The following CDH8 variants were observed in gnomAD, a reference collection of about 807,000 sequenced individuals.
CDH8 encodes the protein cadherin-8.
A neutral mutation model predicts 68.1 loss-of-function variants in CDH8; 17 were observed. The observed-to-expected ratio is 0.25, with a 90% CI of 0.17 to 0.37. The LOEUF (loss-of-function observed/expected upper bound fraction) is 0.37, where lower values mean the gene tolerates loss of function less well. Ranked by LOEUF, CDH8 falls within the 10% of genes least tolerant of loss-of-function variation. CDH8 has a pLI of 1.00. For synonymous variants in CDH8, 372 were observed against 365.1 expected (o/e 1.02, Z -0.21); for missense variants, 763 against 999.3 (o/e 0.76, Z 3.19).
intron 2 of CDH8, among the ~76,000 whole-genome samples, chr16:62,004,657 C>A (rs1965944554): frequency 6.6e-6 from 1 of 152,138 alleles, no homozygotes; most frequent in Admixed American, 6.5e-5. Flanking sequence ...ATTTGTATAC[C>A]TCCTGGTGTT....
At chr16:61,958,280 A>G (rs2031382980) in intron 2 of CDH8, among the ~76,000 whole-genome samples, 1 of 152,212 alleles carries the variant, frequency 6.6e-6, no homozygotes, top group Admixed American at 6.5e-5. Context: ...TCTCCAGTCA[A>G]AAGAAAAGCA....
intron 8 of CDH8, among the ~76,000 whole-genome samples, chr16:61,773,187 T>G (rs1295580582): frequency 5.3e-5 from 8 of 152,072 alleles, no homozygotes; most frequent in Admixed American, 5.2e-4. Flanking sequence ...ATGCATCTCT[T>G]ACTGCTACTT....
At chr16:61,777,717 T>C (rs1347616537) in intron 8 of CDH8, among the ~76,000 whole-genome samples, 1 of 152,078 alleles carries the variant, frequency 6.6e-6, no homozygotes, top group Non-Finnish European at 1.5e-5. Flanking sequence ...GCTACCTACG[T>C]TGCAGGGGTA....
intron 2 of CDH8, among the ~76,000 whole-genome samples, chr16:62,008,172 A>G (rs1901717489): frequency 6.6e-6 from 1 of 151,938 alleles, no homozygotes; most frequent in Non-Finnish European, 1.5e-5. Flanking sequence ...CCTGGGCTCA[A>G]GTGATTCTCC....
At chr16:62,004,494 GC>G (rs1965941432) in intron 2 of CDH8, among the ~76,000 whole-genome samples, 1 of 152,114 alleles carries the variant, frequency 6.6e-6, no homozygotes, top group African/African-American at 2.4e-5. Context: ...TTCATTTCAG[GC>G]AATAAAGATG....
intron 2 of CDH8, among the ~76,000 whole-genome samples, chr16:62,009,811 C>T (rs1346601688): frequency 2.0e-5 from 3 of 152,164 alleles, no homozygotes; most frequent in Non-Finnish European, 4.4e-5. Flanking sequence ...AAAATAATAA[C>T]ATGTAAATAT....
chr16:61,683,078 AT>A (rs906405308), intron 10 of CDH8, among the ~76,000 whole-genome samples: 23 of 152,108 alleles, frequency 1.5e-4, no homozygotes, highest in Middle Eastern at 6.8e-3. Context: ...AAATAAGGGT[AT>A]GTGAAGTTCA....
chr16:61,929,470 C>T (rs1395699408), intron 2 of CDH8, among the ~76,000 whole-genome samples: 7 of 152,096 alleles, frequency 4.6e-5, no homozygotes, highest in South Asian at 4.1e-4. Context: ...TACATGGATT[C>T]GAGATTCTTA....
At chr16:61,666,269 T>G (rs1963677372) in intron 10 of CDH8, among the ~76,000 whole-genome samples, 1 of 151,876 alleles carries the variant, frequency 6.6e-6, no homozygotes, top group Non-Finnish European at 1.5e-5. Flanking sequence ...AGTCTGGGTT[T>G]GGAACATATC....
At chr16:61,681,809 C>A (rs893790058) in intron 10 of CDH8, among the ~76,000 whole-genome samples, 2 of 151,848 alleles carry the variant, frequency 1.3e-5, no homozygotes, top group African/African-American at 4.8e-5. Flanking sequence ...AAGCTAAAAT[C>A]GTGATCCTAA....
At chr16:61,939,320 C>T (rs1282733736) in intron 2 of CDH8, among the ~76,000 whole-genome samples, 3 of 152,134 alleles carry the variant, frequency 2.0e-5, no homozygotes, top group South Asian at 2.1e-4. Flanking sequence ...TTACCTAATC[C>T]GGAAAAATAA....
intron 8 of CDH8, among the ~76,000 whole-genome samples, chr16:61,740,884 A>G (rs575827309): frequency 1.3e-4 from 20 of 152,176 alleles, no homozygotes; most frequent in African/African-American, 4.6e-4. Context: ...AAATATATTA[A>G]TTTCTGTATA....
At chr16:61,777,283 C>T (rs1054543064) in intron 8 of CDH8, among the ~76,000 whole-genome samples, 9 of 152,112 alleles carry the variant, frequency 5.9e-5, no homozygotes, top group African/African-American at 9.7e-5. Flanking sequence ...TATGGTACTA[C>T]AAACCTGGAG....
intron 2 of CDH8, among the ~76,000 whole-genome samples, chr16:61,912,308 G>C (rs536408875): frequency 1.3e-5 from 2 of 151,884 alleles, no homozygotes; most frequent in African/African-American, 4.8e-5. Context: ...GTTTTTTTCT[G>C]TGTCAAAATG....
rs908620486 is a variant in CDH8 at position 61,655,710 on chromosome 16, T to C, written c.1666A>G (p.Ser556Gly). ...AATCCATTATGCTTTGCCAAAATAC[T>C]GAGGGAATTATCTGAAAAAAGTAAA... ...TIKKNEDNSLSILAKHNGFNR... is the reference protein window; with the variant it reads ...TIKKNEDNSLGILAKHNGFNR... Residue 556 changes from serine to glycine, a missense_variant, in exon 11 of 12, where the codon AGT (serine) becomes GGT (glycine). By Grantham distance (56) the Ser-to-Gly change is moderately conservative. Transcript: ENST00000577390. 2 of 1,613,360 alleles carry C rather than the reference T, an allele frequency of 1.2e-6. No individual in the cohort carries two copies. The highest frequency in any genetic ancestry group is 1.3e-5 in the African/African-American group (1 of 74,904).
intron 4 of CDH8, among the ~76,000 whole-genome samples, chr16:61,843,123 A>G: frequency 6.6e-6 from 1 of 152,082 alleles, no homozygotes; most frequent in East Asian, 1.9e-4. Flanking sequence ...TTTATACTTC[A>G]GGGCTGCTCC....
intron 10 of CDH8, among the ~76,000 whole-genome samples, chr16:61,679,805 T>A (rs865985788): frequency 9.9e-5 from 15 of 152,084 alleles, no homozygotes; most frequent in Admixed American, 4.6e-4. Flanking sequence ...AGTACTCTAA[T>A]TCTACCCAAA....
chr16:61,893,793 T>C (rs1963821747), intron 3 of CDH8, among the ~76,000 whole-genome samples: 2 of 152,084 alleles, frequency 1.3e-5, no homozygotes, highest in Non-Finnish European at 2.9e-5. Flanking sequence ...TTATAATTCA[T>C]TAAATAAAAC....
chr16:61,832,423 G>A (rs1006104136), intron 4 of CDH8, among the ~76,000 whole-genome samples: 1 of 151,598 alleles, frequency 6.6e-6, no homozygotes, highest in East Asian at 1.9e-4. Flanking sequence ...CAGATAAATA[G>A]ACTTATAGAT....
Sources: gnomAD v4.1 joint callset for allele counts (sites outside exome capture counted in the v4.1 genomes callset) on GRCh38, gnomAD v4.1.1 for gene constraint, MANE v1.5 for transcripts, NCBI Gene and HGNC (gene_info 2026-07-23, HGNC 2026-07-21) for gene names.